Variants in KCNQ2 observed in about 807,000 individuals in gnomAD.
KCNQ2 encodes potassium voltage-gated channel subfamily Q member 2, also known as potassium voltage-gated channel subfamily KQT member 2.
In KCNQ2, 14 loss-of-function variants were observed where a neutral mutation model predicts 84.8. The observed-to-expected ratio is 0.17, with a 90% CI of 0.11 to 0.26. The LOEUF (loss-of-function observed/expected upper bound fraction) is 0.26, where lower values mean the gene tolerates loss of function less well. Among genes scored for constraint, KCNQ2 ranks in the 10% least tolerant of loss-of-function variants. KCNQ2 has a pLI of 1.00. For synonymous variants in KCNQ2, 599 were observed against 554.1 expected (o/e 1.08, Z -1.14); for missense variants, 788 against 1,254.0 (o/e 0.63, Z 5.61).
chr20:63,413,645 C>T lies in KCNQ2; in HGVS notation c.1632-64G>A, dbSNP rs987612059. 3.5e-5 allele frequency: 56 copies of T among 1,598,116 alleles called. No homozygotes were observed. In the South Asian group the frequency reaches 5.7e-4, roughly 16 times the overall value. ...AGACCCCCGGCCACAGGCACCAGGA[C>T]CTTCCTAGCACCTCTGAGACCTCGG... is the stretch of plus-strand genomic sequence containing the variant. On this transcript the variant is annotated intron_variant, in intron 14 of 16. Transcript: ENST00000359125.
Position 63,407,486 on chromosome 20 carries a change from AGACCCAGGCTAGTCCCAGGAAACGGGG to A in KCNQ2, c.1888-138_1888-112del, listed in dbSNP as rs1214964806. 8.1e-5 allele frequency: 95 copies of A among 1,176,224 alleles called. No homozygotes were observed. The highest frequency in any genetic ancestry group is 5.5e-4 in the Middle Eastern group (2 of 3,638). The allele number at this position is 1,176,224 out of a possible 1,614,324, so 72.9% of individuals were successfully genotyped here. ...CCAGGCTGGTTCCAGGAAACAGGAG[AGACCCAGGCTAGTCCCAGGAAACGGGG>A]GACCCAGGCTAGTCCCAGGAGATGT... is the stretch of plus-strand genomic sequence containing the variant. On this transcript the variant is annotated intron_variant, in intron 16 of 16. Coordinates refer to ENST00000359125, the MANE Select transcript of KCNQ2 (RefSeq NM_172107.4). The surrounding 1 kb of genome is among the most constrained non-coding windows in gnomAD (Gnocchi z 7.2).
At position 63,414,786 on chromosome 20, in the gene KCNQ2, G is replaced by A. The variant is rs369948425; in HGVS notation, c.1525+117C>T. The A allele has an allele frequency of 3.6e-5, 34 of 943,340 alleles. No homozygotes were observed. The highest frequency in any genetic ancestry group is 3.1e-4 in the Middle Eastern group (1 of 3,176). 58.4% of individuals were successfully genotyped at this position (943,340 alleles called of 1,614,324 possible). On this transcript the variant is annotated intron_variant, in intron 13 of 16. Coordinates refer to ENST00000359125, the MANE Select transcript of KCNQ2 (RefSeq NM_172107.4). This position sits in a 1 kb window ranked among gnomAD's most constrained non-coding sequence, Gnocchi z 6.6. Reference sequence around the variant, plus strand: ...ACCTCAATTTTAGAAAGGATAGGGGGTTCCCACTCCAAGAGCAAGCAAAAG... The same window carrying A: ...ACCTCAATTTTAGAAAGGATAGGGGATTCCCACTCCAAGAGCAAGCAAAAG...
chr20:63,462,022 G>A (rs2081968000), intron 1 of KCNQ2, among the ~76,000 whole-genome samples: 1 of 135,866 alleles, frequency 7.4e-6, no homozygotes, highest in Admixed American at 7.4e-5. Flanking sequence ...ACCTACCCCA[G>A]GCAGCAGGGA....
intron 1 of KCNQ2, chr20:63,461,169 A>C (rs1000690900): frequency 3.9e-5 from 6 of 152,198 alleles, no homozygotes; most frequent in African/African-American, 1.2e-4. Context: ...TTTATTTAAG[A>C]AACGAGGGCG....
intron 7 of KCNQ2, 123 bp from the exon 8 acceptor site, chr20:63,434,026 T>C: frequency 1.3e-6 from 1 of 774,046 alleles, no homozygotes; most frequent in East Asian, 2.6e-5. Context: ...CACTCAGGAC[T>C]CTGGGCCAGC....
intron 12 of KCNQ2, among the ~76,000 whole-genome samples, chr20:63,417,339 G>A (rs1300809138): frequency 6.6e-6 from 1 of 152,226 alleles, no homozygotes; most frequent in Non-Finnish European, 1.5e-5. Context: ...GGCCCCTCCT[G>A]ACCCCGCTCA....
At chr20:63,464,193 C>T (rs1404137863) in intron 1 of KCNQ2, among the ~76,000 whole-genome samples, 1 of 152,114 alleles carries the variant, frequency 6.6e-6, no homozygotes. Flanking sequence ...TGCGAGAGGC[C>T]GCCCAGCATC....
At chr20:63,429,979 G>A (rs1283043716) in intron 9 of KCNQ2, among the ~76,000 whole-genome samples, 1 of 152,242 alleles carries the variant, frequency 6.6e-6, no homozygotes, top group Non-Finnish European at 1.5e-5. Flanking sequence ...GAACCAGGCA[G>A]CTGGTGAGCT....
chr20:63,432,439 G>C (rs1250512786), intron 8 of KCNQ2, among the ~76,000 whole-genome samples: 2 of 145,018 alleles, frequency 1.4e-5, no homozygotes, highest in East Asian at 4.2e-4. Flanking sequence ...CTCAGGGAAG[G>C]ATCCACCCAC....
chr20:63,431,412 A>T lies in KCNQ2; in HGVS notation c.1119-43T>A, dbSNP rs776297450. On this transcript the variant is annotated intron_variant, in intron 8 of 16. Transcript: ENST00000359125. ...ACACACAAAGGGAAAAGAACGGAAA[A>T]TTTCAAAAAGAACGGGATAAGAAAA... 4.4e-6 allele frequency: 7 copies of T among 1,608,892 alleles called. No homozygotes were observed. The African/African-American group carries it at 6.7e-5, about 15-fold the overall frequency.
At chr20:63,434,570 C>G (rs954594078) in intron 7 of KCNQ2, 1 of 152,148 alleles carries the variant, frequency 6.6e-6, no homozygotes, top group African/African-American at 2.4e-5. Flanking sequence ...CCAAATAAAC[C>G]CCCTCCTACC....
In KCNQ2 at chr20:63,445,233, C is replaced by G. The variant is rs2081377457; in HGVS notation, c.514+5G>C. On this transcript the variant is annotated splice_donor_5th_base_variant and intron_variant, in intron 3 of 16. Coordinates refer to ENST00000359125, the MANE Select transcript of KCNQ2 (RefSeq NM_172107.4). ...TCTAGCAATACCACCCCCACCAGGCCTCACCAATCACACAGAACGGTTTCC... is the reference window on the plus strand; with the variant it reads ...TCTAGCAATACCACCCCCACCAGGCGTCACCAATCACACAGAACGGTTTCC... 6.2e-7 allele frequency: 1 copy of G among 1,613,918 alleles called. No individual in the cohort carries two copies. Among genetic ancestry groups the G allele is most frequent in the Non-Finnish European group, 8.5e-7 (1 of 1,180,022 alleles).
chr20:63,439,286 T>A (rs2081089674), intron 6 of KCNQ2, among the ~76,000 whole-genome samples: 1 of 152,338 alleles, frequency 6.6e-6, no homozygotes, highest in Non-Finnish European at 1.5e-5. Context: ...GCCCTGCTCC[T>A]GGTCACAAGG....
chr20:63,409,641 A>C (rs1278216401), intron 15 of KCNQ2, among the ~76,000 whole-genome samples: 2 of 152,344 alleles, frequency 1.3e-5, no homozygotes, highest in South Asian at 2.1e-4. Context: ...CAAGCTCCCA[A>C]GTCTCCCCTG....
At chr20:63,427,449 G>C (rs1270043651) in intron 10 of KCNQ2, among the ~76,000 whole-genome samples, 1 of 152,250 alleles carries the variant, frequency 6.6e-6, no homozygotes, top group Non-Finnish European at 1.5e-5. Context: ...ATGTGCAACG[G>C]CTCCTGTAAC....
rs1182018000 is a variant in KCNQ2, at chr20:63,438,359, C to T, written c.1023+266G>A. On this transcript the variant is annotated intron_variant, in intron 7 of 16. Coordinates refer to ENST00000359125, the MANE Select transcript of KCNQ2 (RefSeq NM_172107.4). This position sits in a 1 kb window ranked among gnomAD's most constrained non-coding sequence, Gnocchi z 5.1. ...ACCTCCCAGGGTGCGGTAGAGAGGA[C>T]CTGATGGCCGGGCCCCAGCACCCAC... 3.5e-6 allele frequency: 2 copies of T among 570,420 alleles called. No homozygotes were observed. Among genetic ancestry groups the T allele is most frequent in the Non-Finnish European group, 6.3e-6 (2 of 316,376 alleles). 35.3% of individuals were successfully genotyped at this position (570,420 alleles called of 1,614,324 possible).
chr20:63,443,025 TCACATCACCAC>T (rs2081265666), intron 4 of KCNQ2, among the ~76,000 whole-genome samples: 2 of 28,118 alleles, frequency 7.1e-5, no homozygotes, highest in Admixed American at 4.1e-4. Context: ...ACCACCACCA[TCACATCACCAC>T]CACCATCACC....
chr20:63,415,806 G>A (rs1311181143), intron 12 of KCNQ2, among the ~76,000 whole-genome samples: 7 of 152,292 alleles, frequency 4.6e-5, no homozygotes, highest in South Asian at 2.1e-4. Context: ...GGCCCCGCCC[G>A]TGGTTTCCCC....
intron 1 of KCNQ2, among the ~76,000 whole-genome samples, chr20:63,469,319 C>T (rs1247557673): frequency 1.3e-5 from 2 of 152,362 alleles, no homozygotes; most frequent in East Asian, 1.9e-4. Flanking sequence ...GGTCTGACGC[C>T]CTTCTAACTC....
Sources: gnomAD v4.1 joint callset for allele counts (sites outside exome capture counted in the v4.1 genomes callset) on GRCh38, gnomAD v4.1.1 for gene constraint, Gnocchi (gnomAD v3.1) non-coding constraint, MANE v1.5 for transcripts, NCBI Gene and HGNC (gene_info 2026-07-23, HGNC 2026-07-21) for gene names.